Variants in LINGO2 observed in about 807,000 individuals in gnomAD.
LINGO2 encodes leucine rich repeat and Ig domain containing 2, also known as leucine-rich repeat and immunoglobulin-like domain-containing nogo receptor-interacting protein 2.
Under a neutral mutation model 30.6 loss-of-function variants are expected in LINGO2, and 14 were observed. The ratio of observed to expected loss-of-function variants is 0.46; its 90% confidence interval spans 0.30 to 0.72. The LOEUF (loss-of-function observed/expected upper bound fraction) is 0.72, where lower values mean the gene tolerates loss of function less well. Among genes scored for constraint, LINGO2 ranks in the 30% least tolerant of loss-of-function variants. LINGO2 has a pLI of 0.07. For missense variants in LINGO2, 729 were observed against 751.7 expected (o/e 0.97, Z 0.35); for synonymous variants, 317 against 288.5 (o/e 1.10, Z -1.00).
At chr9:27,981,619 A>C (rs1049788679) in intron 5 of LINGO2, among the ~76,000 whole-genome samples, 2 of 150,372 alleles carry the variant, frequency 1.3e-5, no homozygotes, top group African/African-American at 4.9e-5. Flanking sequence ...AGGAACTCTT[A>C]TAACCCACCC....
At chr9:27,956,190 G>T (rs113693969) in intron 5 of LINGO2, among the ~76,000 whole-genome samples, 3,750 of 152,192 alleles carry the variant, frequency 0.025, 153 homozygotes, top group African/African-American at 0.086. Flanking sequence ...TGATCTGCCC[G>T]CCTCGGCTCC....
At chr9:28,951,116 A>G in the LINGO2 span, among the ~76,000 whole-genome samples, 1 of 152,268 alleles carries the variant, frequency 6.6e-6, no homozygotes, top group Non-Finnish European at 1.5e-5. Flanking sequence ...ATCTTTGACA[A>G]ACCTGACAAA....
intron 2 of LINGO2, among the ~76,000 whole-genome samples, chr9:28,452,727 G>C (rs1216240112): frequency 6.6e-6 from 1 of 151,798 alleles, no homozygotes; most frequent in African/African-American, 2.4e-5. Flanking sequence ...GGCTGGGTCT[G>C]GAAGAATTAG....
At chr9:28,781,611 T>A in the LINGO2 span, among the ~76,000 whole-genome samples, 2 of 152,152 alleles carry the variant, frequency 1.3e-5, no homozygotes, top group African/African-American at 4.8e-5. Context: ...ATAAGAGGCA[T>A]GGAGTGAACA....
intron 5 of LINGO2, among the ~76,000 whole-genome samples, chr9:27,975,560 C>G (rs1468730523): frequency 1.3e-5 from 2 of 151,986 alleles, no homozygotes. Context: ...TAAGTTGGAT[C>G]CAGCACACAC....
intron 1 of LINGO2, among the ~76,000 whole-genome samples, chr9:28,517,709 C>A (rs1288443445): frequency 2.6e-5 from 4 of 152,110 alleles, no homozygotes; most frequent in Non-Finnish European, 4.4e-5. Context: ...CTTAATGGAG[C>A]AATAATAATT....
chr9:28,390,293 G>A (rs1298926672), intron 2 of LINGO2, among the ~76,000 whole-genome samples: 1 of 152,126 alleles, frequency 6.6e-6, no homozygotes, highest in African/African-American at 2.4e-5. Flanking sequence ...GCACAAACAT[G>A]TTTAGAGTTG....
At chr9:28,685,543 C>A in the LINGO2 span, among the ~76,000 whole-genome samples, 3 of 151,976 alleles carry the variant, frequency 2.0e-5, no homozygotes, top group Non-Finnish European at 4.4e-5. Flanking sequence ...TTATTTGAAT[C>A]TATTATACTC....
intron 5 of LINGO2, among the ~76,000 whole-genome samples, chr9:27,990,784 C>G (rs1821362081): frequency 6.6e-6 from 1 of 152,070 alleles, no homozygotes; most frequent in African/African-American, 2.4e-5. Flanking sequence ...TACATCATCT[C>G]TGCCTAGCAG....
At chr9:28,188,663 A>C (rs897439852) in intron 4 of LINGO2, among the ~76,000 whole-genome samples, 1 of 152,168 alleles carries the variant, frequency 6.6e-6, no homozygotes, top group Non-Finnish European at 1.5e-5. Flanking sequence ...AGACATTCTT[A>C]TGTTTTCTAT....
chr9:28,960,709 T>C, the LINGO2 span, among the ~76,000 whole-genome samples: 1 of 148,484 alleles, frequency 6.7e-6, no homozygotes, highest in African/African-American at 2.5e-5. Flanking sequence ...TAAAAATAAA[T>C]AGGCAGATGT....
chr9:28,824,139 G>T, the LINGO2 span, among the ~76,000 whole-genome samples: 23 of 152,170 alleles, frequency 1.5e-4, no homozygotes, highest in African/African-American at 5.5e-4. Flanking sequence ...TTTGTTTCAC[G>T]GTAATAACTG....
chr9:28,357,257 G>C (rs900160145), intron 3 of LINGO2, among the ~76,000 whole-genome samples: 39 of 149,552 alleles, frequency 2.6e-4, no homozygotes, highest in African/African-American at 2.5e-5. Flanking sequence ...GGAAACAGTT[G>C]GAAAATACAA....
At chr9:28,987,422 G>C in the LINGO2 span, among the ~76,000 whole-genome samples, 1 of 151,540 alleles carries the variant, frequency 6.6e-6, no homozygotes, top group Non-Finnish European at 1.5e-5. Flanking sequence ...TTATTTATTT[G>C]AATCTTCTCT....
chr9:28,998,305 G>T, the LINGO2 span, among the ~76,000 whole-genome samples: 1 of 152,160 alleles, frequency 6.6e-6, no homozygotes, highest in Non-Finnish European at 1.5e-5. Context: ...AAAATGTGGG[G>T]ATAAGACGGG....
chr9:29,154,600 A>T, the LINGO2 span, among the ~76,000 whole-genome samples: 2 of 152,198 alleles, frequency 1.3e-5, no homozygotes. Context: ...CAACTGGTGG[A>T]GTTCCTTTGA....
intron 4 of LINGO2, among the ~76,000 whole-genome samples, chr9:28,144,456 A>T (rs1471062082): frequency 6.6e-6 from 1 of 152,240 alleles, no homozygotes; most frequent in Non-Finnish European, 1.5e-5. Context: ...TGAGGTGCTT[A>T]TATAAGATTT....
the LINGO2 span, among the ~76,000 whole-genome samples, chr9:29,096,532 C>T: frequency 1.4e-5 from 2 of 139,954 alleles, no homozygotes; most frequent in African/African-American, 5.3e-5. Context: ...GTGATCCGCC[C>T]GCCTTGGCCT....
chr9:28,151,140 C>T (rs1467712615), intron 4 of LINGO2, among the ~76,000 whole-genome samples: 1 of 152,048 alleles, frequency 6.6e-6, no homozygotes, highest in African/African-American at 2.4e-5. Context: ...AAAGAAAAAC[C>T]TAAATAAGAC....
Sources: gnomAD v4.1 joint callset for allele counts (sites outside exome capture counted in the v4.1 genomes callset) on GRCh38, gnomAD v4.1.1 for gene constraint, MANE v1.5 for transcripts, NCBI Gene and HGNC (gene_info 2026-07-23, HGNC 2026-07-21) for gene names.